RSF1: variants seen among roughly 807,000 people sequenced by gnomAD.
The protein encoded by RSF1 is remodeling and spacing factor 1.
RSF1 carries 13 observed loss-of-function variants against 145.2 expected under a neutral mutation model. The observed-to-expected ratio is 0.09, with a 90% CI of 0.06 to 0.14. The LOEUF is 0.14. Ranked by LOEUF, RSF1 falls within the 10% of genes least tolerant of loss-of-function variation. The probability of loss-of-function intolerance (pLI) is 1.00; values close to 1 mark genes in which losing one functional copy is unlikely to be tolerated. For missense variants in RSF1, 1,517 were observed against 1,718.2 expected, an observed-to-expected ratio of 0.88 and a Z score of 2.07; for synonymous variants, 577 against 592.6, an observed-to-expected ratio of 0.97 and a Z score of 0.38.
chr11:77,831,131 C>G, the RSF1 span, among the ~76,000 whole-genome samples: 1 of 151,896 alleles, frequency 6.6e-6, no homozygotes, highest in Admixed American at 6.6e-5. Flanking sequence ...GACAACAAAG[C>G]AAGACCCTGT....
At chr11:77,826,747 C>T in the RSF1 span, among the ~76,000 whole-genome samples, 1 of 152,286 alleles carries the variant, frequency 6.6e-6, no homozygotes, top group South Asian at 2.1e-4. Flanking sequence ...TCTAGAATAA[C>T]ATGAACTATG....
rs398045289 is a variant in RSF1, at chr11:77,729,895, C to CAAAAAAAAAAAAAAAAAAAAAAAAAAA, written c.579-4223_579-4197dup. Among the ~76,000 whole-genome samples the CAAAAAAAAAAAAAAAAAAAAAAAAAAA allele has an allele frequency of 1.0e-3, 51 of 48,934 alleles. 13 individuals are homozygous for CAAAAAAAAAAAAAAAAAAAAAAAAAAA. Among genetic ancestry groups the CAAAAAAAAAAAAAAAAAAAAAAAAAAA allele is most frequent in the Non-Finnish European group, 1.6e-3 (36 of 22,360 alleles). The allele number at this position is 48,934 out of a possible 152,430, so 32.1% of individuals were successfully genotyped here. ...TATAAATGCCAAATTATTCAGTAGG[C>CAAAAAAAAAAAAAAAAAAAAAAAAAAA]AAAAAAAAAAAAAAAAAAAAAAAAA... On this transcript the variant is annotated intron_variant, in intron 4 of 15. Transcript: ENST00000308488.
chr11:77,670,349 G>A (rs980131750), intron 15 of RSF1, among the ~76,000 whole-genome samples: 3 of 152,178 alleles, frequency 2.0e-5, no homozygotes, highest in South Asian at 4.2e-4. Context: ...TTAGATAAGT[G>A]CATGACTCAC....
chr11:77,811,183 A>C (rs1948727179), intron 1 of RSF1, among the ~76,000 whole-genome samples: 1 of 152,234 alleles, frequency 6.6e-6, no homozygotes, highest in Admixed American at 6.5e-5. Context: ...GTAAAACCTT[A>C]TTTACAAAGA....
chr11:77,788,495 G>C (rs1420190929), intron 1 of RSF1, among the ~76,000 whole-genome samples: 2 of 80,428 alleles, frequency 2.5e-5, no homozygotes, highest in Non-Finnish European at 5.1e-5. Context: ...GAGAAGACAG[G>C]TTAAAAAAAA....
At chr11:77,779,573 G>C (rs1948383065) in intron 1 of RSF1, among the ~76,000 whole-genome samples, 1 of 151,878 alleles carries the variant, frequency 6.6e-6, no homozygotes, top group Non-Finnish European at 1.5e-5. Flanking sequence ...GTAGAGATGG[G>C]GTTTCTCCAT....
chr11:77,846,521 A>G, the RSF1 span, among the ~76,000 whole-genome samples: 4 of 152,316 alleles, frequency 2.6e-5, no homozygotes, highest in African/African-American at 9.6e-5. Context: ...AGCCTGACCA[A>G]CGTGGAGAAA....
rs1049052778 is a variant in RSF1, at chr11:77,665,252, T to G, written c.*1665A>C. The G allele has an allele frequency of 6.6e-6, 1 of 152,186 alleles. No homozygotes were observed. Among genetic ancestry groups the G allele is most frequent in the African/African-American group, 2.4e-5 (1 of 41,446 alleles). The allele number at this position is 152,186 out of a possible 1,614,324, so 9.4% of individuals were successfully genotyped here. ...GCTTTACTATACACTGACTAGCACA[T>G]AATACTTAATTTGGAAAGAAAAATT... On this transcript the variant is annotated 3_prime_UTR_variant, in exon 16 of 16. Coordinates refer to ENST00000308488, the MANE Select transcript of RSF1 (RefSeq NM_016578.4).
the RSF1 span, among the ~76,000 whole-genome samples, chr11:77,832,743 GC>G: frequency 6.7e-6 from 1 of 149,236 alleles, no homozygotes; most frequent in African/African-American, 2.5e-5. Flanking sequence ...CCCCATATTT[GC>G]CTGCTGAAAT....
At chr11:77,813,401 T>A in intron 1 of RSF1, 1 of 1,193,956 alleles carries the variant, frequency 8.4e-7, no homozygotes, top group Non-Finnish European at 1.2e-6. Context: ...TCAGAAGGAC[T>A]GTGCAAGTCA....
At chr11:77,776,109 G>A (rs1948339365) in intron 1 of RSF1, among the ~76,000 whole-genome samples, 1 of 152,040 alleles carries the variant, frequency 6.6e-6, no homozygotes, top group South Asian at 2.1e-4. Context: ...TAGCTACTTG[G>A]GTTGCTGAGG....
At chr11:77,821,004 G>C (rs1024504704), upstream of RSF1, 18 of 491,382 alleles carry the variant, frequency 3.7e-5, no homozygotes, top group Middle Eastern at 1.6e-3. Flanking sequence ...GTGTGACAGG[G>C]GGAATGAAAA....
chr11:77,686,400 C>A (rs1960004782), intron 9 of RSF1, among the ~76,000 whole-genome samples: 1 of 19,528 alleles, frequency 5.1e-5, no homozygotes, highest in African/African-American at 3.2e-4. Context: ...AAGAGTGAGA[C>A]CCTGTCTCAA....
intron 4 of RSF1, among the ~76,000 whole-genome samples, chr11:77,736,735 A>T (rs1961362678): frequency 6.6e-6 from 1 of 152,180 alleles, no homozygotes; most frequent in South Asian, 2.1e-4. Context: ...ATAAATTACC[A>T]TCCGTCCCCA....
the RSF1 span, chr11:77,842,351 A>C: frequency 1.1e-6 from 1 of 876,974 alleles, no homozygotes; most frequent in Non-Finnish European, 1.7e-6. Context: ...CTAAAGAAGA[A>C]GTAACAACCA....
chr11:77,759,188 TACTA>T (rs1289200412), intron 2 of RSF1, among the ~76,000 whole-genome samples: 1 of 152,214 alleles, frequency 6.6e-6, no homozygotes, highest in East Asian at 1.9e-4. Context: ...AAGTATTTTA[TACTA>T]TAGGCAACAG....
intron 2 of RSF1, among the ~76,000 whole-genome samples, chr11:77,753,512 G>A (rs994283486): frequency 2.0e-5 from 3 of 152,190 alleles, no homozygotes; most frequent in Non-Finnish European, 2.9e-5. Context: ...TGTCCAACGC[G>A]TGGCCCACAA....
intron 12 of RSF1, 104 bp from the exon 13 acceptor site, chr11:77,677,103 A>G (rs1959728650): frequency 1.2e-6 from 1 of 830,152 alleles, no homozygotes; most frequent in Admixed American, 2.7e-5. Flanking sequence ...GCAGCTCTTC[A>G]TTTCTTTATT....
rs377540577 is a variant in RSF1, at chr11:77,672,977, C to T, written c.3563-747G>A. Among the ~76,000 whole-genome samples, 286 of 152,280 alleles carry T rather than the reference C, an allele frequency of 1.9e-3. 4 individuals are homozygous for T. The highest frequency in any genetic ancestry group is 6.7e-3 in the African/African-American group (278 of 41,548). ...GGATTACAGGTGTGAGCCACCACAC[C>T]CAGCCTAAATGTTTTATACTTTTTT... is the stretch of plus-strand genomic sequence containing the variant. On this transcript the variant is annotated intron_variant, in intron 14 of 15. Coordinates refer to ENST00000308488, the MANE Select transcript of RSF1 (RefSeq NM_016578.4).
Sources: gnomAD v4.1 joint callset for allele counts (sites outside exome capture counted in the v4.1 genomes callset) on GRCh38, gnomAD v4.1.1 for gene constraint, MANE v1.5 for transcripts, NCBI Gene and HGNC (gene_info 2026-07-23, HGNC 2026-07-21) for gene names.